Variants in MLLT10 observed in about 807,000 individuals in gnomAD.
MLLT10 encodes the protein MLLT10 histone lysine methyltransferase DOT1L cofactor, also known as protein AF-10.
A neutral mutation model predicts 129.1 loss-of-function variants in MLLT10; 30 were observed. The ratio of observed to expected loss-of-function variants is 0.23; its 90% CI spans 0.17 to 0.32. MLLT10 has a LOEUF of 0.32. Among genes scored for constraint, MLLT10 ranks in the 10% least tolerant of loss-of-function variants. The pLI is 1.00. For missense variants in MLLT10, 1,119 were observed against 1,268.3 expected, an observed-to-expected ratio of 0.88 and a Z score of 1.79; for synonymous variants, 490 against 446.4, an observed-to-expected ratio of 1.10 and a Z score of -1.23.
At chr10:21,717,253 CAAAAAAA>C (rs747244556) in intron 14 of MLLT10, among the ~76,000 whole-genome samples, 12 of 63,552 alleles carry the variant, frequency 1.9e-4, no homozygotes, top group South Asian at 8.7e-4. Flanking sequence ...AACTCCGTCT[CAAAAAAA>C]AAAAAAAAAA....
At chr10:21,675,651 T>A (rs1296627596) in intron 11 of MLLT10, among the ~76,000 whole-genome samples, 1 of 152,202 alleles carries the variant, frequency 6.6e-6, no homozygotes, top group Non-Finnish European at 1.5e-5. Context: ...ACAAATTTAG[T>A]CAAAAAATTG....
Position 21,578,802 on chromosome 10 carries a change from C to G in MLLT10, c.241-7492C>G, listed in dbSNP as rs145606328. ...TGTAAGTTGTTCTTTTATATCACCTCTGTTTGTTGTCAGTTATGCTATTGT... is the reference window on the plus strand; with the variant it reads ...TGTAAGTTGTTCTTTTATATCACCTGTGTTTGTTGTCAGTTATGCTATTGT... On this transcript the variant is annotated intron_variant, in intron 3 of 22. Transcript: ENST00000307729. Among the ~76,000 whole-genome samples the G allele has an allele frequency of 6.2e-3, 943 of 152,232 alleles. 5 individuals carry two copies. Among genetic ancestry groups the G allele is most frequent in the Admixed American group, 0.016 (252 of 15,280 alleles).
chr10:21,734,690 AT>A (rs1039696484), intron 20 of MLLT10, among the ~76,000 whole-genome samples: 40 of 152,198 alleles, frequency 2.6e-4, no homozygotes, highest in African/African-American at 9.2e-4. Context: ...CTAGAAAGCT[AT>A]TTCCTGTAGC....
chr10:21,740,053 T>A lies in MLLT10; in HGVS notation c.2979T>A (p.Tyr993Ter). 6.2e-7 allele frequency: 1 copy of A among 1,611,228 alleles called. No individual in the cohort carries two copies. Among genetic ancestry groups the A allele is most frequent in the Non-Finnish European group, 8.5e-7 (1 of 1,178,478 alleles). Residue 993 changes from tyrosine to a stop codon, truncating the protein, a stop_gained, in exon 22 of 23, where the codon TAT (tyrosine) becomes TAA (stop). Transcript: ENST00000307729. LOFTEE classifies it high-confidence loss of function. ...LTPEQHQAFL[Y>*]QLMQHHHQQH... ...AGGAACAACATCAAGCCTTTTTGTATCAGTTAATGCAACATCACCACCAGC... is the reference window on the plus strand; with the variant it reads ...AGGAACAACATCAAGCCTTTTTGTAACAGTTAATGCAACATCACCACCAGC...
intron 3 of MLLT10, among the ~76,000 whole-genome samples, chr10:21,541,548 G>A (rs951909317): frequency 2.6e-5 from 4 of 152,126 alleles, no homozygotes; most frequent in Admixed American, 6.6e-5. Flanking sequence ...ACCACACCCA[G>A]CTAATTTTTG....
In MLLT10 at chr10:21,537,690, A is replaced by T. The variant is rs189349320; in HGVS notation, c.161-1143A>T. ...CACCATCTTGGCCAGGCTGGTCTGG[A>T]ACTCCTGACCTCAGGTGATCCTCCT... On this transcript the variant is annotated intron_variant, in intron 2 of 22. Transcript: ENST00000307729. Among the ~76,000 whole-genome samples the T allele has an allele frequency of 3.0e-4, 46 of 152,144 alleles. 1 individual carries two copies. In the East Asian group the frequency reaches 8.1e-3, roughly 27 times the overall value.
At chr10:21,584,326 G>T (rs1051158714) in intron 3 of MLLT10, among the ~76,000 whole-genome samples, 1 of 151,556 alleles carries the variant, frequency 6.6e-6, no homozygotes, top group East Asian at 1.9e-4. Context: ...ACCACATCCC[G>T]CTAATTTTTT....
chr10:21,673,378 A>T lies in MLLT10; in HGVS notation c.1080A>T (p.Val360=). The change falls in exon 11 of 23, where the codon GTA becomes GTT. Residue 360 remains valine (V), a synonymous_variant. Transcript: ENST00000307729. ...QGSFSGTPGS[V]KSSSGSSVQS... ...GTTTTTCAGGAACTCCAGGCAGTGT[A>T]AAGTCATCTTCTGGAAGTTCAGTGC... 6.6e-7 allele frequency: 1 copy of T among 1,508,892 alleles called. No homozygotes were observed. The highest frequency in any genetic ancestry group is 8.8e-7 in the Non-Finnish European group (1 of 1,132,650). 93.5% of individuals were successfully genotyped at this position (1,508,892 alleles called of 1,614,324 possible). A position where few individuals can be genotyped will look rare whatever the true frequency, so the allele number is the denominator to read the frequency against.
At chr10:21,717,519 A>ACCTCCTCCTCCTCCTCCTCCTCCT (rs1180960349) in intron 14 of MLLT10, among the ~76,000 whole-genome samples, 2 of 75,274 alleles carry the variant, frequency 2.7e-5, no homozygotes, top group African/African-American at 5.7e-5. Flanking sequence ...CTCCTCCACC[A>ACCTCCTCCTCCTCCTCCTCCTCCT]CCTCCTCCTC....
intron 2 of MLLT10, among the ~76,000 whole-genome samples, chr10:21,537,453 C>T (rs2034251475): frequency 6.6e-6 from 1 of 151,802 alleles, no homozygotes. Flanking sequence ...ACTACCACCA[C>T]ACCTGGCTAA....
intron 3 of MLLT10, among the ~76,000 whole-genome samples, chr10:21,540,655 C>A (rs981704301): frequency 6.6e-6 from 1 of 152,078 alleles, no homozygotes; most frequent in Non-Finnish European, 1.5e-5. Context: ...TTATGCAAAC[C>A]TACCATTTAA....
chr10:21,550,389 C>T (rs1022264425), intron 3 of MLLT10, among the ~76,000 whole-genome samples: 18 of 152,156 alleles, frequency 1.2e-4, no homozygotes, highest in African/African-American at 4.3e-4. Flanking sequence ...CTTATCAGCT[C>T]TTGTCCTTAT....
intron 8 of MLLT10, among the ~76,000 whole-genome samples, chr10:21,622,319 G>A (rs1457727851): frequency 6.6e-6 from 1 of 150,584 alleles, no homozygotes; most frequent in Non-Finnish European, 1.5e-5. Flanking sequence ...CACTATGCCG[G>A]CCAATTTTTT....
At chr10:21,541,660 A>G (rs2035184129) in intron 3 of MLLT10, among the ~76,000 whole-genome samples, 1 of 152,114 alleles carries the variant, frequency 6.6e-6, no homozygotes, top group African/African-American at 2.4e-5. Flanking sequence ...TACTGGGATT[A>G]CAGGCGTGAG....
intron 11 of MLLT10, among the ~76,000 whole-genome samples, chr10:21,679,586 T>G (rs2052535172): frequency 6.6e-6 from 1 of 152,144 alleles, no homozygotes; most frequent in Admixed American, 6.6e-5. Context: ...AAGCTTAGGT[T>G]CCAGTAATGG....
At position 21,594,936 on chromosome 10, in the gene MLLT10, T is replaced by A. The variant is rs2042902503; in HGVS notation, c.296-395T>A. 2.0e-5 allele frequency among the ~76,000 whole-genome samples: 3 copies of A among 152,258 alleles called. No homozygotes were observed. In the South Asian group the frequency reaches 6.2e-4, roughly 32 times the overall value. On this transcript the variant is annotated intron_variant, in intron 4 of 22. Transcript: ENST00000307729. ...AATATTGACACTAAGATAAAAATAA[T>A]TTCATGTTGACATTTAAAATGATTA... is the stretch of plus-strand genomic sequence containing the variant.
In MLLT10 at chr10:21,534,522, T is replaced by G. The variant is rs1588719326; in HGVS notation, c.-1+2T>G. On this transcript the variant is annotated splice_donor_variant, in intron 1 of 22. Transcript: ENST00000307729. LOFTEE classifies it low-confidence loss of function (5UTR_SPLICE). The stretch of plus-strand genomic sequence containing the variant: ...GAGTGACTGAGCGGCAAAGCCCGAG[T>G]GAGCGAGCGGTGGGCTGCCGGGCCG... 36 of 931,472 alleles carry G rather than the reference T, an allele frequency of 3.9e-5. No homozygotes were observed. The highest frequency in any genetic ancestry group is 4.8e-5 in the Non-Finnish European group (33 of 689,160). 57.7% of individuals were successfully genotyped at this position (931,472 alleles called of 1,614,324 possible).
At chr10:21,551,444 C>A (rs1243315228) in intron 3 of MLLT10, among the ~76,000 whole-genome samples, 1 of 151,458 alleles carries the variant, frequency 6.6e-6, no homozygotes, top group Non-Finnish European at 1.5e-5. Flanking sequence ...TCTAGTATTT[C>A]ATTTTAAATT....
chr10:21,724,038 A>ACT (rs2057310931), intron 14 of MLLT10, among the ~76,000 whole-genome samples: 1 of 152,228 alleles, frequency 6.6e-6, no homozygotes, highest in African/African-American at 2.4e-5. Flanking sequence ...TGTGCCCTCT[A>ACT]CTACTAAATA....
Sources: allele counts gnomAD v4.1 joint callset (sites outside exome capture counted in the v4.1 genomes callset), GRCh38; gene constraint gnomAD v4.1.1; transcripts MANE v1.5; gene names NCBI Gene and HGNC (gene_info 2026-07-23, HGNC 2026-07-21).